The following ACTR8 variants were observed in gnomAD, a reference collection of about 807,000 sequenced individuals.
The protein encoded by ACTR8 is actin-related protein 8.
In ACTR8, 70 loss-of-function variants were observed where a neutral mutation model predicts 84.3. The observed-to-expected ratio is 0.83, with a 90% confidence interval of 0.68 to 1.01. The LOEUF (loss-of-function observed/expected upper bound fraction) is 1.01, where lower values mean the gene tolerates loss of function less well. Ranked by LOEUF, ACTR8 falls within the 50% of genes least tolerant of loss-of-function variation. ACTR8 has a pLI of 0.00. For missense variants in ACTR8, 672 were observed against 775.4 expected, an observed-to-expected ratio of 0.87 and a Z score of 1.58; for synonymous variants, 268 against 275.2, an observed-to-expected ratio of 0.97 and a Z score of 0.26.
At chr3:53,869,222 A>C (rs1366285257) in intron 12 of ACTR8, among the ~76,000 whole-genome samples, 5 of 152,230 alleles carry the variant, frequency 3.3e-5, no homozygotes, top group Non-Finnish European at 7.3e-5. Context: ...CAGAGGTTGC[A>C]GTGAGCCAAG....
intron 7 of ACTR8, among the ~76,000 whole-genome samples, chr3:53,875,245 G>T (rs1229709092): frequency 1.3e-5 from 2 of 152,328 alleles, no homozygotes; most frequent in East Asian, 3.9e-4. Flanking sequence ...GCGGGAGGCA[G>T]CAGATGACCC....
In ACTR8 at chr3:53,870,114, G is replaced by C; in HGVS notation, c.1599C>G (p.Ser533Arg). The change falls in exon 12 of 13, where the codon AGC becomes AGG. Residue 533 changes from serine to arginine, a missense_variant. By Grantham distance (110) the Ser-to-Arg change is moderately radical. Transcript: ENST00000335754. This position sits in a 1 kb window ranked among gnomAD's most constrained non-coding sequence, Gnocchi z 4.1. ...SSDDTKKKMY[S>R]SILVVGGGLM... is the part of the protein sequence containing the mutation. ...AACCACCTCCCACCACTAGGATGGA[G>C]CTGTACATCTTCTTTTTGGTGTCGT... 2 of 1,614,054 alleles carry C rather than the reference G, an allele frequency of 1.2e-6. No individual in the cohort carries two copies. Among genetic ancestry groups the C allele is most frequent in the South Asian group, 2.2e-5 (2 of 91,076 alleles).
downstream of ACTR8, chr3:53,864,649 C>T (rs1699714163): frequency 1.1e-6 from 1 of 929,276 alleles, no homozygotes; most frequent in African/African-American, 1.6e-5. Flanking sequence ...GCTCAGCTGA[C>T]ATTCTCTAGC....
chr3:53,865,128 C>G, downstream of ACTR8: 1 of 1,614,154 alleles, frequency 6.2e-7, no homozygotes. Context: ...TGCACAAATA[C>G]GTGGTGGTCT....
rs1699868051 is a variant in ACTR8 at position 53,870,573 on chromosome 3, C to G, written c.1568-428G>C. On this transcript the variant is annotated intron_variant, in intron 11 of 12. Coordinates refer to ENST00000335754, the MANE Select transcript of ACTR8 (RefSeq NM_022899.5). This position sits in a 1 kb window ranked among gnomAD's most constrained non-coding sequence, Gnocchi z 4.1. Reference sequence around the variant, plus strand: ...GGCTGAGGCAGGAGAATCACTTGAACCCAGGAGGCAGAGGTTGTGGTGAGC... The same window carrying G: ...GGCTGAGGCAGGAGAATCACTTGAAGCCAGGAGGCAGAGGTTGTGGTGAGC... Among the ~76,000 whole-genome samples the G allele has an allele frequency of 6.6e-6, 1 of 152,144 alleles. No individual in the cohort carries two copies. Among genetic ancestry groups the G allele is most frequent in the Non-Finnish European group, 1.5e-5 (1 of 68,030 alleles).
intron 7 of ACTR8, among the ~76,000 whole-genome samples, chr3:53,874,954 A>G (rs904205562): frequency 6.6e-6 from 1 of 152,218 alleles, no homozygotes; most frequent in Non-Finnish European, 1.5e-5. Flanking sequence ...TTCCCAGTCA[A>G]TATGTGTTTA....
In ACTR8 at chr3:53,870,095, C is replaced by A; in HGVS notation, c.1618G>T (p.Gly540Cys). Reference sequence around the variant, plus strand: ...TGAGCTTTATGAAACATCAAACCACCTCCCACCACTAGGATGGAGCTGTAC... The same window carrying A: ...TGAGCTTTATGAAACATCAAACCACATCCCACCACTAGGATGGAGCTGTAC... The part of the protein sequence containing the change: ...KMYSSILVVG[G>C]GLMFHKAQEF... The change falls in exon 12 of 13, where the codon GGT becomes TGT. Residue 540 changes from glycine (G) to cysteine (C), a missense_variant. Gly to Cys is a radical substitution (Grantham distance 159). Coordinates refer to ENST00000335754, the MANE Select transcript of ACTR8 (RefSeq NM_022899.5). This position sits in a 1 kb window ranked among gnomAD's most constrained non-coding sequence, Gnocchi z 4.1. 1.2e-6 allele frequency: 2 copies of A among 1,614,190 alleles called. No individual in the cohort carries two copies. Among genetic ancestry groups the A allele is most frequent in the East Asian group, 4.5e-5 (2 of 44,884 alleles).
In ACTR8 at chr3:53,876,086, G is replaced by A. The variant is rs199721049; in HGVS notation, c.779-6C>T. ...CTCCTGATGGACCACAATCCCTGGG[G>A]GGGGAAAAGAAAAGGCAGAGTAGTC... On this transcript the variant is annotated splice_polypyrimidine_tract_variant and splice_region_variant and intron_variant, in intron 6 of 12. Transcript: ENST00000335754. 9.5e-6 allele frequency: 15 copies of A among 1,582,436 alleles called. No individual in the cohort carries two copies. The highest frequency in any genetic ancestry group is 3.4e-6 in the Non-Finnish European group (4 of 1,171,420).
In ACTR8 at chr3:53,872,411, C is replaced by G. The variant is rs757707229; in HGVS notation, c.1275G>C (p.Leu425=). The stretch of plus-strand genomic sequence containing the variant: ...GTTCTTGTTTGCTCTGTGTGGCCAG[C>G]AGGTAATGTTCATCGTGAGGATCCT... ...DPEDPHDEHY[L]LATQSKQEQS... is the part of the protein sequence containing the mutation. The change falls in exon 10 of 13, where the codon CTG becomes CTC. Residue 425 remains leucine (L), a synonymous_variant. Transcript: ENST00000335754. 1.2e-6 allele frequency: 2 copies of G among 1,609,146 alleles called. No individual in the cohort carries two copies. Among genetic ancestry groups the G allele is most frequent in the Non-Finnish European group, 1.7e-6 (2 of 1,178,330 alleles).
chr3:53,865,530 A>C, downstream of ACTR8: 1 of 506,504 alleles, frequency 2.0e-6, no homozygotes, highest in East Asian at 3.1e-5. Context: ...CATAGAAATC[A>C]ATTACAGTTT....
chr3:53,882,152 T>A lies in ACTR8; in HGVS notation c.-51A>T. 1 of 1,542,454 alleles carries A rather than the reference T, an allele frequency of 6.5e-7. No homozygotes were observed. The highest frequency in any genetic ancestry group is 8.8e-7 in the Non-Finnish European group (1 of 1,140,814). ...CTCGCCTCAGCGCTGCAGCCACGAC[T>A]GCCGGGATGGAAGGGCCACCGCGCA... On this transcript the variant is annotated 5_prime_UTR_variant, in exon 1 of 13. Transcript: ENST00000335754.
chr3:53,878,508 T>C (rs2107072874), intron 2 of ACTR8, 41 bp from the exon 3 acceptor site: 1 of 1,232,772 alleles, frequency 8.1e-7, no homozygotes, highest in East Asian at 2.3e-5. Context: ...AAGGATTTAA[T>C]GAGAAGACAA....
At chr3:53,874,975 G>A (rs1699944616) in intron 7 of ACTR8, among the ~76,000 whole-genome samples, 1 of 152,204 alleles carries the variant, frequency 6.6e-6, no homozygotes, top group Non-Finnish European at 1.5e-5. Context: ...TCATATGACA[G>A]TTGTTTGGTG....
Position 53,870,227 on chromosome 3 carries a change from G to A in ACTR8, c.1568-82C>T, listed in dbSNP as rs553141168. On this transcript the variant is annotated intron_variant, in intron 11 of 12. Coordinates refer to ENST00000335754, the MANE Select transcript of ACTR8 (RefSeq NM_022899.5). The surrounding 1 kb of genome is among the most constrained non-coding windows in gnomAD (Gnocchi z 4.1). ...CAAGCCACCAACACCTCTTGCTTGA[G>A]CAAGTGCAATAGCCTTCTCAAAGAT... 97 of 1,512,154 alleles carry A rather than the reference G, an allele frequency of 6.4e-5. 1 individual carries two copies. The highest frequency in any genetic ancestry group is 1.7e-4 in the Middle Eastern group (1 of 5,734). 93.7% of individuals were successfully genotyped at this position (1,512,154 alleles called of 1,614,324 possible).
the ACTR8 span, chr3:53,860,579 T>C: frequency 6.0e-6 from 1 of 167,652 alleles, no homozygotes; most frequent in African/African-American, 2.4e-5. Context: ...ATAGTTCTTA[T>C]GAGGTGTTAA....
chr3:53,864,203 G>A (rs1699683570), downstream of ACTR8, among the ~76,000 whole-genome samples: 1 of 152,158 alleles, frequency 6.6e-6, no homozygotes, highest in Non-Finnish European at 1.5e-5. Flanking sequence ...TTTAGTGAGA[G>A]GGACTTAGAA....
Position 53,882,028 on chromosome 3 carries a change from C to G in ACTR8, c.74G>C (p.Gly25Ala), listed in dbSNP as rs528751037. 1 of 1,551,848 alleles carries G rather than the reference C, an allele frequency of 6.4e-7. No individual in the cohort carries two copies. Among genetic ancestry groups the G allele is most frequent in the South Asian group, 1.2e-5 (1 of 84,092 alleles). ...KGGEKEKEQR[G>A]VKRPIVPALV... ...CGCGGGCACGATGGGCCGCTTCACG[C>G]CGCGCTGCTCCTTCTCCTTCTCGCC... is the stretch of plus-strand genomic sequence containing the variant. The change falls in exon 1 of 13, where the codon GGC (glycine) becomes GCC (alanine). Residue 25 changes from glycine (G) to alanine (A), a missense_variant. Gly to Ala is a moderately conservative substitution (Grantham distance 60, BLOSUM62 0). Transcript: ENST00000335754.
In ACTR8 at chr3:53,876,093, A is replaced by G. The variant is rs1699963025; in HGVS notation, c.779-13T>C. 3 of 1,553,766 alleles carry G rather than the reference A, an allele frequency of 1.9e-6. No homozygotes were observed. The highest frequency in any genetic ancestry group is 2.3e-5 in the South Asian group (2 of 87,016). On this transcript the variant is annotated splice_polypyrimidine_tract_variant and intron_variant, in intron 6 of 12. Coordinates refer to ENST00000335754, the MANE Select transcript of ACTR8 (RefSeq NM_022899.5). Reference sequence around the variant, plus strand: ...TGGACCACAATCCCTGGGGGGGGAAAAGAAAAGGCAGAGTAGTCATTAGCT... The same window carrying G: ...TGGACCACAATCCCTGGGGGGGGAAGAGAAAAGGCAGAGTAGTCATTAGCT...
At chr3:53,881,616 T>C in intron 1 of ACTR8, 1 of 372,944 alleles carries the variant, frequency 2.7e-6, no homozygotes, top group South Asian at 2.3e-5. Flanking sequence ...CTAAACTCTA[T>C]CTGCCACCAT....
Sources: allele counts gnomAD v4.1 joint callset (sites outside exome capture counted in the v4.1 genomes callset), GRCh38; gene constraint gnomAD v4.1.1; non-coding constraint Gnocchi (gnomAD v3.1); transcripts MANE v1.5; gene names NCBI Gene and HGNC (gene_info 2026-07-23, HGNC 2026-07-21).